The following PLEKHA6 variants were observed in gnomAD, a reference collection of about 807,000 sequenced individuals.
PLEKHA6 encodes pleckstrin homology domain-containing family A member 6.
Under a neutral mutation model 116.7 loss-of-function variants are expected in PLEKHA6, and 60 were observed. The ratio of observed to expected loss-of-function variants is 0.51; its 90% CI spans 0.42 to 0.64. PLEKHA6 has a LOEUF of 0.64. Among genes scored for constraint, PLEKHA6 ranks in the 30% least tolerant of loss-of-function variants. The probability of loss-of-function intolerance (pLI) is 0.00; values close to 1 mark genes in which losing one functional copy is unlikely to be tolerated. For missense variants in PLEKHA6, 1,338 were observed against 1,422.7 expected (o/e 0.94, Z 0.96); for synonymous variants, 489 against 556.1 (o/e 0.88, Z 1.70).
intron 9 of PLEKHA6, among the ~76,000 whole-genome samples, chr1:204,253,358 G>T (rs1242589543): frequency 6.6e-6 from 1 of 152,148 alleles, no homozygotes; most frequent in African/African-American, 2.4e-5. Flanking sequence ...AAATGGCAGA[G>T]CTAGAACTAG....
intron 1 of PLEKHA6, among the ~76,000 whole-genome samples, chr1:204,292,167 T>C (rs1244373453): frequency 6.6e-6 from 1 of 152,228 alleles, no homozygotes; most frequent in Non-Finnish European, 1.5e-5. Context: ...TTCATCAAAA[T>C]AAAGGATTAT....
At chr1:204,333,098 C>T (rs2103278636) in intron 1 of PLEKHA6, among the ~76,000 whole-genome samples, 1 of 152,352 alleles carries the variant, frequency 6.6e-6, no homozygotes, top group East Asian at 1.9e-4. Flanking sequence ...CCCAGGCCCC[C>T]AGGCCTCGGG....
chr1:204,377,488 C>T (rs1213098709), intron 1 of PLEKHA6: 1 of 152,266 alleles, frequency 6.6e-6, no homozygotes, highest in African/African-American at 2.4e-5. Flanking sequence ...ACCGCTTCAC[C>T]CACCTTCTCC....
At chr1:204,336,800 T>C (rs1482152390) in intron 1 of PLEKHA6, among the ~76,000 whole-genome samples, 3 of 152,216 alleles carry the variant, frequency 2.0e-5, no homozygotes, top group Non-Finnish European at 1.5e-5. Context: ...GGTCAATGAC[T>C]GGAACAGAAT....
intron 1 of PLEKHA6, among the ~76,000 whole-genome samples, chr1:204,308,273 A>G (rs897200789): frequency 4.6e-5 from 7 of 152,210 alleles, no homozygotes; most frequent in African/African-American, 1.7e-4. Flanking sequence ...CTTACAAGTC[A>G]GATGGGCTGG....
chr1:204,355,736 G>T (rs1464218278), intron 1 of PLEKHA6, among the ~76,000 whole-genome samples: 2 of 152,066 alleles, frequency 1.3e-5, no homozygotes, highest in African/African-American at 4.8e-5. Context: ...CACTATTCCT[G>T]GCCAACTGTG....
intron 9 of PLEKHA6, chr1:204,251,462 G>C (rs530182669): frequency 1.5e-6 from 1 of 683,648 alleles, no homozygotes; most frequent in Non-Finnish European, 2.7e-6. Flanking sequence ...TCCTAGATGG[G>C]CAACTCGACC....
At chr1:204,291,193 A>G (rs1669719319) in intron 1 of PLEKHA6, among the ~76,000 whole-genome samples, 1 of 152,224 alleles carries the variant, frequency 6.6e-6, no homozygotes, top group Non-Finnish European at 1.5e-5. Flanking sequence ...ATTAGCCATT[A>G]GAGAAATGCA....
At position 204,249,187 on chromosome 1, in the gene PLEKHA6, C is replaced by T; in HGVS notation, c.1671G>A (p.Glu557=). The change falls in exon 11 of 23, where the codon GAG becomes GAA. Residue 557 remains glutamate (E), a synonymous_variant. Transcript: ENST00000272203. ...QDRLVQQLRA[E]KESLESALMG... ...AAAGCCACCCCCAGCTTCTCACCTT[C>T]TCAGCTCGGAGCTGCTGCACCAGCC... 7.4e-6 allele frequency: 12 copies of T among 1,611,970 alleles called. No homozygotes were observed. Among genetic ancestry groups the T allele is most frequent in the Non-Finnish European group, 1.0e-5 (12 of 1,178,518 alleles).
At chr1:204,338,447 C>T (rs978548883) in intron 1 of PLEKHA6, among the ~76,000 whole-genome samples, 1 of 152,160 alleles carries the variant, frequency 6.6e-6, no homozygotes. Flanking sequence ...CTCATTAGTT[C>T]AACAGGAAGT....
At chr1:204,317,022 G>C (rs958269360) in intron 1 of PLEKHA6, 2 of 153,088 alleles carry the variant, frequency 1.3e-5, no homozygotes, top group Admixed American at 1.3e-4. Context: ...GACATCTGGA[G>C]GTACCTTCCA....
chr1:204,367,635 T>G (rs1673688326), intron 3 of PLEKHA6, among the ~76,000 whole-genome samples: 1 of 152,052 alleles, frequency 6.6e-6, no homozygotes, highest in African/African-American at 2.4e-5. Flanking sequence ...GATACATACG[T>G]TCCCATCTCT....
At chr1:204,246,415 C>A (rs1447764466) in intron 13 of PLEKHA6, among the ~76,000 whole-genome samples, 1 of 152,186 alleles carries the variant, frequency 6.6e-6, no homozygotes, top group Non-Finnish European at 1.5e-5. Flanking sequence ...CCCTTGACCA[C>A]AACCCTATCC....
intron 1 of PLEKHA6, among the ~76,000 whole-genome samples, chr1:204,341,044 C>T (rs568978532): frequency 5.9e-5 from 9 of 152,302 alleles, no homozygotes; most frequent in South Asian, 2.1e-4. Flanking sequence ...ACAGCACACC[C>T]GGTGCCTGGC....
At chr1:204,274,996 G>T in intron 1 of PLEKHA6, 187 bp from the exon 2 acceptor site, 1 of 690,908 alleles carries the variant, frequency 1.4e-6, no homozygotes, top group Non-Finnish European at 1.8e-6. Flanking sequence ...CGGGGTGGGG[G>T]AAGGAAGAGA....
Position 204,257,472 on chromosome 1 carries a change from G to A in PLEKHA6, c.1405C>T (p.Arg469Cys), listed in dbSNP as rs972403923. ...SPSQGSYSRA[R>C]IYSPVRSPSA... ...GGTGAGCGGACAGGGGAGTAAATGC[G>A]GGCACGGCTGTAGGAGCCCTGGCTG... The change falls in exon 9 of 23, where the codon CGC becomes TGC. Residue 469 changes from arginine (R) to cysteine (C), a missense_variant. Around this residue, in one of 3 missense-constraint regions of PLEKHA6, gnomAD observed 1,136 missense variants for 1,163.6 expected, o/e 0.98. Coordinates refer to ENST00000272203, the MANE Select transcript of PLEKHA6 (RefSeq NM_014935.5). The surrounding 1 kb of genome is among the most constrained non-coding windows in gnomAD (Gnocchi z 6.5). The A allele has an allele frequency of 9.5e-6, 15 of 1,575,584 alleles. No homozygotes were observed. The highest frequency in any genetic ancestry group is 9.2e-5 in the East Asian group (4 of 43,290).
intron 9 of PLEKHA6, chr1:204,251,574 C>T (rs779093314): frequency 1.6e-5 from 11 of 702,716 alleles, no homozygotes; most frequent in African/African-American, 7.0e-5. Flanking sequence ...TTCCACCATG[C>T]GGTTCACCAT....
chr1:204,266,689 T>G (rs1225023533), intron 5 of PLEKHA6, among the ~76,000 whole-genome samples: 1 of 152,196 alleles, frequency 6.6e-6, no homozygotes, highest in African/African-American at 2.4e-5. Context: ...AGTTAATGAT[T>G]CACTGAATTG....
chr1:204,245,840 CCCTGTGTACACACACACACA>C lies in PLEKHA6; in HGVS notation c.1921-134_1921-115del, dbSNP rs1191261926. The stretch of plus-strand genomic sequence containing the variant: ...CCTTTGGGCCAGCAGGAGGCAGGCA[CCCTGTGTACACACACACACA>C]CACACACACACACACACATGCCCCT... On this transcript the variant is annotated intron_variant, in intron 13 of 22. Coordinates refer to ENST00000272203, the MANE Select transcript of PLEKHA6 (RefSeq NM_014935.5). The C allele has an allele frequency of 4.5e-6, 3 of 660,042 alleles. No individual in the cohort carries two copies. The African/African-American group carries it at 6.3e-5, about 14-fold the overall frequency. 40.9% of individuals were successfully genotyped at this position (660,042 alleles called of 1,614,324 possible).
Sources: gnomAD v4.1 joint callset for allele counts (sites outside exome capture counted in the v4.1 genomes callset) on GRCh38, gnomAD v4.1.1 for gene constraint, gnomAD v4.1.1 regional missense constraint, Gnocchi (gnomAD v3.1) non-coding constraint, MANE v1.5 for transcripts, NCBI Gene and HGNC (gene_info 2026-07-23, HGNC 2026-07-21) for gene names.